TMEM132D: variants seen among roughly 807,000 people sequenced by gnomAD.
TMEM132D encodes transmembrane protein 132D.
TMEM132D carries 21 observed loss-of-function variants against 62.3 expected under a neutral mutation model. That is an observed-to-expected ratio of 0.34 (90% CI 0.24 to 0.49). TMEM132D has a LOEUF of 0.49. Among genes scored for constraint, TMEM132D ranks in the 20% least tolerant of loss-of-function variants. The pLI is 0.99. For synonymous variants in TMEM132D, 621 were observed against 575.6 expected, an observed-to-expected ratio of 1.08 and a Z score of -1.13; for missense variants, 1,346 against 1,402.8, an observed-to-expected ratio of 0.96 and a Z score of 0.65.
intron 1 of TMEM132D, 73 bp from the exon 2 acceptor site, chr12:129,700,771 T>A (rs1336917056): frequency 2.0e-6 from 3 of 1,497,600 alleles, no homozygotes; most frequent in Non-Finnish European, 2.7e-6. Flanking sequence ...GACATCTGCG[T>A]GCCCCCTTCA....
chr12:129,241,070 C>T (rs963963430), intron 4 of TMEM132D, among the ~76,000 whole-genome samples: 6 of 149,468 alleles, frequency 4.0e-5, no homozygotes, highest in Non-Finnish European at 8.9e-5. Flanking sequence ...TTGGCATTTC[C>T]AACTCTAAAT....
chr12:129,736,021 T>C (rs1178156022), intron 1 of TMEM132D, among the ~76,000 whole-genome samples: 4 of 152,184 alleles, frequency 2.6e-5, no homozygotes, highest in African/African-American at 9.7e-5. Context: ...GCCATGGATG[T>C]CACACACTTT....
chr12:129,869,434 T>C (rs555287934), intron 1 of TMEM132D, among the ~76,000 whole-genome samples: 5 of 152,374 alleles, frequency 3.3e-5, no homozygotes, highest in African/African-American at 1.2e-4. Context: ...CACATCTTCC[T>C]GAATACTTTA....
rs144503032 is a variant in TMEM132D at position 129,213,679 on chromosome 12, C to G, written c.1300-4016G>C. ...AGAGATCACCTAGTAGTAGAGGAAG[C>G]AAGGGAGAAGAACAGGGGAAGTGCC... is the stretch of plus-strand genomic sequence containing the variant. On this transcript the variant is annotated intron_variant, in intron 4 of 8. Coordinates refer to ENST00000422113, the MANE Select transcript of TMEM132D (RefSeq NM_133448.3). Among the ~76,000 whole-genome samples, 1,509 of 152,174 alleles carry G rather than the reference C, an allele frequency of 9.9e-3. 12 individuals are homozygous for G. Among genetic ancestry groups the G allele is most frequent in the Non-Finnish European group, 0.016 (1,101 of 68,004 alleles).
At chr12:129,514,838 A>G (rs1328321401) in intron 3 of TMEM132D, among the ~76,000 whole-genome samples, 1 of 152,072 alleles carries the variant, frequency 6.6e-6, no homozygotes, top group Non-Finnish European at 1.5e-5. Flanking sequence ...ACACCCTCCA[A>G]CCCCCTGAAA....
chr12:129,547,165 C>T (rs1020214838), intron 2 of TMEM132D, among the ~76,000 whole-genome samples: 1 of 152,180 alleles, frequency 6.6e-6, no homozygotes, highest in Admixed American at 6.5e-5. Context: ...TCACCCGGGG[C>T]AGCATCACCC....
At chr12:129,228,865 T>C (rs926164291) in intron 4 of TMEM132D, among the ~76,000 whole-genome samples, 5 of 152,254 alleles carry the variant, frequency 3.3e-5, no homozygotes. Context: ...TAATTCTTTT[T>C]CAATGGATCA....
rs138236437 is a variant in TMEM132D at position 129,724,261 on chromosome 12, G to A, written c.80-23563C>T. ...CTGTGGTACAACTATCCTTGATGAC[G>A]AAGGTTGGAAGCCCATCCCATGAGA... On this transcript the variant is annotated intron_variant, in intron 1 of 8. Coordinates refer to ENST00000422113, the MANE Select transcript of TMEM132D (RefSeq NM_133448.3). 1.3e-3 allele frequency among the ~76,000 whole-genome samples: 191 copies of A among 152,298 alleles called. 1 individual carries two copies. The highest frequency in any genetic ancestry group is 4.3e-3 in the African/African-American group (178 of 41,546).
rs566873628 is a variant in TMEM132D, at chr12:129,194,479, G to C, written c.1443+15041C>G. Among the ~76,000 whole-genome samples the C allele has an allele frequency of 1.4e-4, 21 of 152,292 alleles. No individual in the cohort carries two copies. The South Asian group carries it at 3.9e-3, about 29-fold the overall frequency. On this transcript the variant is annotated intron_variant, in intron 5 of 8. Coordinates refer to ENST00000422113, the MANE Select transcript of TMEM132D (RefSeq NM_133448.3). ...CGTGAGGGTGGAGGGTGGGAGCAGG[G>C]AGAGGAACAGAAAAGATCACTATTT...
chr12:129,262,524 C>T (rs1226817375), intron 4 of TMEM132D: 2 of 152,230 alleles, frequency 1.3e-5, no homozygotes, highest in African/African-American at 4.8e-5. Flanking sequence ...TCTGAAGCAA[C>T]AGCAGATGTT....
chr12:129,232,593 C>T (rs1879671695), intron 4 of TMEM132D, among the ~76,000 whole-genome samples: 1 of 152,144 alleles, frequency 6.6e-6, no homozygotes. Context: ...CCCAGGGCTT[C>T]TGTGACCACC....
At chr12:129,083,959 G>C (rs1874531966) in intron 6 of TMEM132D, among the ~76,000 whole-genome samples, 1 of 152,212 alleles carries the variant, frequency 6.6e-6, no homozygotes, top group Admixed American at 6.5e-5. Flanking sequence ...CACCAAGGCA[G>C]AGAGCTCAGA....
At chr12:129,151,811 T>C (rs7305033) in intron 5 of TMEM132D, among the ~76,000 whole-genome samples, 3,858 of 152,268 alleles carry the variant, frequency 0.025, 181 homozygotes, top group African/African-American at 0.088. Context: ...CTGCGAATAT[T>C]TGTATATTAC....
chr12:129,548,119 G>A (rs1287430637), intron 2 of TMEM132D, among the ~76,000 whole-genome samples: 1 of 152,136 alleles, frequency 6.6e-6, no homozygotes. Flanking sequence ...TTTAGTTGTC[G>A]CTTAATCACC....
chr12:129,248,674 T>C (rs564472496), intron 4 of TMEM132D, among the ~76,000 whole-genome samples: 3 of 152,190 alleles, frequency 2.0e-5, no homozygotes, highest in East Asian at 3.9e-4. Flanking sequence ...AAGCCTAGTA[T>C]CCATTAGTTA....
intron 4 of TMEM132D, among the ~76,000 whole-genome samples, chr12:129,286,047 G>A (rs911747483): frequency 3.3e-5 from 5 of 152,146 alleles, no homozygotes; most frequent in African/African-American, 9.7e-5. Flanking sequence ...TATTTTAGAT[G>A]AACGGTTTAC....
chr12:129,189,804 G>A (rs1022353973), intron 5 of TMEM132D, among the ~76,000 whole-genome samples: 1 of 152,158 alleles, frequency 6.6e-6, no homozygotes, highest in Non-Finnish European at 1.5e-5. Context: ...AAAGACGTCA[G>A]TGTCCTCATC....
intron 4 of TMEM132D, among the ~76,000 whole-genome samples, chr12:129,282,126 A>C (rs1881172557): frequency 6.6e-6 from 1 of 152,224 alleles, no homozygotes; most frequent in Non-Finnish European, 1.5e-5. Flanking sequence ...AGATGAAGTC[A>C]GAGCTACAAC....
intron 1 of TMEM132D, among the ~76,000 whole-genome samples, chr12:129,769,791 A>G (rs939842672): frequency 6.6e-6 from 1 of 152,184 alleles, no homozygotes; most frequent in Non-Finnish European, 1.5e-5. Context: ...TCCAGGGGGT[A>G]AAACATTCAA....
Sources: allele counts gnomAD v4.1 joint callset (sites outside exome capture counted in the v4.1 genomes callset), GRCh38; gene constraint gnomAD v4.1.1; transcripts MANE v1.5; gene names NCBI Gene and HGNC (gene_info 2026-07-23, HGNC 2026-07-21).